Variants in ECSIT observed in about 807,000 individuals in gnomAD.
ECSIT encodes the protein ECSIT signaling integrator, also known as evolutionarily conserved signaling intermediate in Toll pathway, mitochondrial.
ECSIT carries 29 observed loss-of-function variants against 36.8 expected under a neutral mutation model. The observed-to-expected ratio is 0.79, with a 90% CI of 0.59 to 1.08. The LOEUF (loss-of-function observed/expected upper bound fraction) is 1.08. Among genes scored for constraint, ECSIT ranks in the 50% least tolerant of loss-of-function variants. The pLI, the probability that ECSIT is intolerant of heterozygous loss-of-function variation, is 0.00. For missense variants in ECSIT, 542 were observed against 581.0 expected (o/e 0.93, Z 0.69); for synonymous variants, 231 against 234.8 (o/e 0.98, Z 0.15).
chr19:11,514,670 CA>C (rs1201831825), intron 2 of ECSIT, among the ~76,000 whole-genome samples: 2 of 151,898 alleles, frequency 1.3e-5, no homozygotes, highest in African/African-American at 4.8e-5. Flanking sequence ...TACCGGTGTA[CA>C]CCACCACACC....
rs1972057092 is a variant in ECSIT, at chr19:11,519,314, A to G, written c.-23-121T>C. On this transcript the variant is annotated intron_variant, in intron 1 of 7. Transcript: ENST00000270517. The surrounding 1 kb of genome is among the most constrained non-coding windows in gnomAD (Gnocchi z 4.4). ...GGCTCACTCACCAGCCCCAATGTTT[A>G]CCTTACCCAAGAAACAGGCTGATGA... 1.4e-6 allele frequency: 1 copy of G among 716,204 alleles called. No individual in the cohort carries two copies. The highest frequency in any genetic ancestry group is 1.7e-5 in the African/African-American group (1 of 57,224). The allele number at this position is 716,204 out of a possible 1,614,324, so 44.4% of individuals were successfully genotyped here. A position where few individuals can be genotyped will look rare whatever the true frequency, so the allele number is the denominator to read the frequency against.
chr19:11,517,438 A>G (rs1178654142), intron 2 of ECSIT, among the ~76,000 whole-genome samples: 1 of 151,890 alleles, frequency 6.6e-6, no homozygotes, highest in Non-Finnish European at 1.5e-5. Context: ...TCTACCAAAA[A>G]TGCAAAAATT....
intron 4 of ECSIT, among the ~76,000 whole-genome samples, chr19:11,512,403 A>G (rs997844142): frequency 2.6e-5 from 4 of 152,130 alleles, no homozygotes; most frequent in African/African-American, 9.7e-5. Context: ...GTGAGGACAC[A>G]GCAAGGTGTC....
chr19:11,523,917 A>G (rs1972158704), intron 1 of ECSIT: 2 of 377,068 alleles, frequency 5.3e-6, no homozygotes, highest in Non-Finnish European at 1.0e-5. Flanking sequence ...GTGGGCTATT[A>G]GTAGTTAAGA....
chr19:11,523,005 A>G (rs1364908515), intron 1 of ECSIT, among the ~76,000 whole-genome samples: 2 of 151,868 alleles, frequency 1.3e-5, no homozygotes, highest in Non-Finnish European at 2.9e-5. Flanking sequence ...CGGGAGGCGG[A>G]GCTTGCAGTG....
Position 11,527,320 on chromosome 19 carries a change from G to T in ECSIT, c.-24+1742C>A, listed in dbSNP as rs77291470. ...CTGGGCGACAGAGCGAGATTCCATC[G>T]CTAAATAAATAAATAAATCAACTAA... On this transcript the variant is annotated intron_variant, in intron 1 of 7. Coordinates refer to ENST00000270517, the MANE Select transcript of ECSIT (RefSeq NM_016581.5). Among the ~76,000 whole-genome samples, 367 of 152,156 alleles carry T rather than the reference G, an allele frequency of 2.4e-3. 3 individuals carry two copies. The East Asian group carries it at 0.04, about 16-fold the overall frequency.
At chr19:11,527,501 A>C (rs7258326) in intron 1 of ECSIT, among the ~76,000 whole-genome samples, 35,392 of 147,658 alleles carry the variant, frequency 0.24, 8,957 homozygotes, top group African/African-American at 0.64. Context: ...GGCAACATAG[A>C]GAGACCCCAT....
intron 7 of ECSIT, among the ~76,000 whole-genome samples, chr19:11,506,709 A>G (rs551491153): frequency 2.0e-5 from 3 of 151,902 alleles, no homozygotes; most frequent in African/African-American, 7.2e-5. Context: ...TAATTTTTAA[A>G]TTTTTAGTAG....
chr19:11,506,832 G>C (rs1211010519), intron 7 of ECSIT, among the ~76,000 whole-genome samples: 1 of 152,178 alleles, frequency 6.6e-6, no homozygotes, highest in East Asian at 1.9e-4. Context: ...ACTGTGCCCG[G>C]CTTCCTTCCA....
At position 11,527,777 on chromosome 19, in the gene ECSIT, C is replaced by T. The variant is rs145524257; in HGVS notation, c.-24+1285G>A. On this transcript the variant is annotated intron_variant, in intron 1 of 7. Transcript: ENST00000270517. The stretch of plus-strand genomic sequence containing the variant: ...GTCCAAGTGGGGAGGATCGCTTGAG[C>T]CCAGGAGTTCAAGACCAGCCTGGAC... Among the ~76,000 whole-genome samples the T allele has an allele frequency of 1.8e-3, 271 of 152,182 alleles. 2 individuals are homozygous for T. Among genetic ancestry groups the T allele is most frequent in the African/African-American group, 6.3e-3 (261 of 41,538 alleles).
chr19:11,510,093 G>A (rs1971840082), intron 4 of ECSIT, among the ~76,000 whole-genome samples: 1 of 151,936 alleles, frequency 6.6e-6, no homozygotes, highest in South Asian at 2.1e-4. Flanking sequence ...GGCTGGTCTC[G>A]AACTCCCAAC....
intron 4 of ECSIT, among the ~76,000 whole-genome samples, chr19:11,509,804 C>T (rs1237005410): frequency 6.6e-6 from 1 of 151,878 alleles, no homozygotes; most frequent in Non-Finnish European, 1.5e-5. Context: ...GGATCAGTGA[C>T]TTCTAGTTGT....
rs193187822 is a variant in ECSIT at position 11,520,391 on chromosome 19, C to T, written c.-23-1198G>A. 1.1e-3 allele frequency among the ~76,000 whole-genome samples: 160 copies of T among 151,998 alleles called. 2 individuals are homozygous for T. The highest frequency in any genetic ancestry group is 8.5e-4 in the Non-Finnish European group (58 of 67,968). ...TTTATCACGTTGGCCAGGCTGGTCT[C>T]GAACTCCTGACCTCAAGTGATCCGC... On this transcript the variant is annotated intron_variant, in intron 1 of 7. Transcript: ENST00000270517.
Position 11,513,841 on chromosome 19 carries a change from C to T in ECSIT, c.477G>A (p.Glu159=). Residue 159 remains glutamate, a synonymous_variant, in exon 3 of 8, where the codon GAG becomes GAA. Transcript: ENST00000270517. The stretch of plus-strand genomic sequence containing the variant: ...TCTGCTCCAGGACAGCAATCCCACA[C>T]TCCTGCTGCCGAGGGTAGTGGACGA... ...RIFVHYPRQQ[E]CGIAVLEQME... 1 of 1,614,142 alleles carries T rather than the reference C, an allele frequency of 6.2e-7. No individual in the cohort carries two copies.
intron 1 of ECSIT, among the ~76,000 whole-genome samples, chr19:11,527,997 C>G (rs1225577364): frequency 6.6e-6 from 1 of 152,086 alleles, no homozygotes; most frequent in Non-Finnish European, 1.5e-5. Context: ...GAGATCCTGT[C>G]TCTAAAAAAT....
Position 11,513,983 on chromosome 19 carries a change from A to G in ECSIT, c.335T>C (p.Leu112Pro), listed in dbSNP as rs775143923. ...RKRGHIDFIY[L>P]ALRKMREYGV... ...ATACTCCCGCATCTTGCGCAGGGCC[A>G]GGTAGATGAAGTCAATGTGGCCCCG... Residue 112 changes from leucine to proline, a missense_variant, in exon 3 of 8, where the codon CTG becomes CCG. Transcript: ENST00000270517. 6 of 1,614,102 alleles carry G rather than the reference A, an allele frequency of 3.7e-6. No individual in the cohort carries two copies. Among genetic ancestry groups the G allele is most frequent in the Admixed American group, 3.3e-5 (2 of 60,000 alleles).
At chr19:11,517,992 T>C (rs780220401) in intron 2 of ECSIT, among the ~76,000 whole-genome samples, 1 of 151,892 alleles carries the variant, frequency 6.6e-6, no homozygotes, top group Non-Finnish European at 1.5e-5. Flanking sequence ...ACGTAGGCAC[T>C]AGCATCTCTT....
intron 7 of ECSIT, 41 bp downstream of exon 7, chr19:11,507,416 C>G (rs369260261): frequency 5.2e-6 from 8 of 1,531,982 alleles, no homozygotes; most frequent in African/African-American, 1.4e-5. Context: ...GCTGGGATTA[C>G]GAGCACACAT....
rs142103677 is a variant in ECSIT at position 11,516,684 on chromosome 19, T to TACAC, written c.96+2387_96+2390dup. Among the ~76,000 whole-genome samples the TACAC allele has an allele frequency of 6.2e-3, 916 of 148,344 alleles. 13 individuals are homozygous for TACAC. Among genetic ancestry groups the TACAC allele is most frequent in the African/African-American group, 0.021 (841 of 40,570 alleles). Reference sequence around the variant, plus strand: ...ATAAATGAATGTGTGTGTGTTTATCTACACACACACACACACACACACAAA... The same window carrying TACAC: ...ATAAATGAATGTGTGTGTGTTTATCTACACACACACACACACACACACACACAAA... On this transcript the variant is annotated intron_variant, in intron 2 of 7. Coordinates refer to ENST00000270517, the MANE Select transcript of ECSIT (RefSeq NM_016581.5).
Sources: allele counts gnomAD v4.1 joint callset (sites outside exome capture counted in the v4.1 genomes callset), GRCh38; gene constraint gnomAD v4.1.1; non-coding constraint Gnocchi (gnomAD v3.1); transcripts MANE v1.5; gene names NCBI Gene and HGNC (gene_info 2026-07-23, HGNC 2026-07-21).